Variants in RBPJ observed in about 807,000 individuals in gnomAD.
RBPJ encodes recombining binding protein suppressor of hairless.
RBPJ carries 9 observed loss-of-function variants against 67.8 expected under a neutral mutation model. The observed-to-expected ratio is 0.13, with a 90% CI of 0.08 to 0.23. The LOEUF (loss-of-function observed/expected upper bound fraction) is 0.23. Among genes scored for constraint, RBPJ ranks in the 10% least tolerant of loss-of-function variants. The pLI is 1.00. For synonymous variants in RBPJ, 198 were observed against 203.3 expected (o/e 0.97, Z 0.22); for missense variants, 305 against 595.6 (o/e 0.51, Z 5.08).
chr4:26,408,784 T>A (rs1733731606), intron 3 of RBPJ, among the ~76,000 whole-genome samples: 1 of 152,246 alleles, frequency 6.6e-6, no homozygotes, highest in South Asian at 2.1e-4. Context: ...TTGGAACTCT[T>A]GAGGGCCTAA....
intron 3 of RBPJ, among the ~76,000 whole-genome samples, chr4:26,409,731 C>T (rs573335294): frequency 1.3e-5 from 2 of 152,288 alleles, no homozygotes; most frequent in African/African-American, 4.8e-5. Context: ...AACTCTTGAC[C>T]TTGTGATCTG....
chr4:26,307,396 G>A (rs1722273124), intron 1 of RBPJ, among the ~76,000 whole-genome samples: 1 of 152,128 alleles, frequency 6.6e-6, no homozygotes, highest in Non-Finnish European at 1.5e-5. Context: ...TTATTTTTCA[G>A]TTCTTAAATT....
intron 1 of RBPJ, among the ~76,000 whole-genome samples, chr4:26,187,237 A>G (rs1717302258): frequency 6.6e-6 from 1 of 152,220 alleles, no homozygotes; most frequent in African/African-American, 2.4e-5. Flanking sequence ...AACAAAAACG[A>G]AAACAAAAAA....
At chr4:26,315,167 A>AAAAAAAAAT (rs1325689348), upstream of RBPJ, among the ~76,000 whole-genome samples, 49 of 74,728 alleles carry the variant, frequency 6.6e-4, no homozygotes, top group East Asian at 9.1e-4. Flanking sequence ...AAAAAAAAAA[A>AAAAAAAAAT]ATATATATAT....
chr4:26,336,896 A>C (rs1724890693), intron 1 of RBPJ, among the ~76,000 whole-genome samples: 1 of 152,098 alleles, frequency 6.6e-6, no homozygotes, highest in African/African-American at 2.4e-5. Context: ...CTAAATTATA[A>C]ATATATTGTA....
chr4:26,404,506 A>G (rs1038246359), intron 2 of RBPJ, among the ~76,000 whole-genome samples: 4 of 152,172 alleles, frequency 2.6e-5, no homozygotes, highest in African/African-American at 7.2e-5. Flanking sequence ...TGTCAACCTT[A>G]TTCACTGCCG....
chr4:26,373,502 T>C (rs1293431778), intron 1 of RBPJ, among the ~76,000 whole-genome samples: 2 of 152,194 alleles, frequency 1.3e-5, no homozygotes, highest in Non-Finnish European at 2.9e-5. Context: ...AAACTGTGTG[T>C]CAAAGGCTTG....
At chr4:26,179,693 A>G (rs1402568944) in intron 1 of RBPJ, among the ~76,000 whole-genome samples, 2 of 152,214 alleles carry the variant, frequency 1.3e-5, no homozygotes, top group East Asian at 3.9e-4. Flanking sequence ...TGTGGAGGAA[A>G]GGGAACAGTT....
chr4:26,222,657 T>C (rs1025570519), intron 1 of RBPJ, among the ~76,000 whole-genome samples: 4 of 146,098 alleles, frequency 2.7e-5, no homozygotes, highest in East Asian at 2.0e-4. Context: ...TATATATATA[T>C]ACCTATTATG....
intron 1 of RBPJ, chr4:26,384,078 A>G (rs1244764720): frequency 6.6e-6 from 1 of 152,102 alleles, no homozygotes; most frequent in South Asian, 2.1e-4. Context: ...AATTCCTGCA[A>G]TCAAAACAAT....
chr4:26,272,381 T>C (rs1403385684), intron 1 of RBPJ, among the ~76,000 whole-genome samples: 1 of 152,076 alleles, frequency 6.6e-6, no homozygotes, highest in Non-Finnish European at 1.5e-5. Flanking sequence ...GCCTGGGCAA[T>C]GTAGTGAGAC....
chr4:26,319,950 G>T, upstream of RBPJ: 2 of 1,450,086 alleles, frequency 1.4e-6, no homozygotes, highest in South Asian at 1.2e-5. Context: ...GTGGGGCCAG[G>T]TTTGCCCGGG....
At chr4:26,111,118 G>A in the RBPJ span, among the ~76,000 whole-genome samples, 4 of 152,054 alleles carry the variant, frequency 2.6e-5, no homozygotes, top group Non-Finnish European at 5.9e-5. Flanking sequence ...ACATCCAAGG[G>A]GTTCACTATC....
intron 2 of RBPJ, among the ~76,000 whole-genome samples, chr4:26,391,836 A>G (rs1309196192): frequency 6.6e-6 from 1 of 152,228 alleles, no homozygotes. Flanking sequence ...CTGGTTTGCT[A>G]TAATAGTGTA....
chr4:26,418,436 T>G (rs1734804413), intron 4 of RBPJ, among the ~76,000 whole-genome samples: 1 of 152,216 alleles, frequency 6.6e-6, no homozygotes, highest in Non-Finnish European at 1.5e-5. Flanking sequence ...TTATCTTGAT[T>G]ATGATTTTTG....
At chr4:26,241,431 C>T (rs767110443) in intron 1 of RBPJ, among the ~76,000 whole-genome samples, 16 of 152,150 alleles carry the variant, frequency 1.1e-4, no homozygotes, top group Admixed American at 1.3e-4. Flanking sequence ...AACAGTTTAA[C>T]GTGATTTATA....
intron 1 of RBPJ, among the ~76,000 whole-genome samples, chr4:26,324,069 T>C (rs978881767): frequency 2.0e-5 from 3 of 152,180 alleles, no homozygotes; most frequent in African/African-American, 7.2e-5. Flanking sequence ...TTCCTAACTA[T>C]GTAGTAAAAT....
chr4:26,370,127 A>T (rs1391518418), intron 1 of RBPJ, among the ~76,000 whole-genome samples: 1 of 152,186 alleles, frequency 6.6e-6, no homozygotes, highest in Non-Finnish European at 1.5e-5. Flanking sequence ...AGTTTTCAGA[A>T]TAAAGGCCTT....
intron 1 of RBPJ, among the ~76,000 whole-genome samples, chr4:26,274,007 G>A (rs1721002837): frequency 6.6e-6 from 1 of 152,194 alleles, no homozygotes; most frequent in East Asian, 1.9e-4. Flanking sequence ...TTGCTCAGAT[G>A]TCACCTTGTC....
Sources: gnomAD v4.1 joint callset for allele counts (sites outside exome capture counted in the v4.1 genomes callset) on GRCh38, gnomAD v4.1.1 for gene constraint, MANE v1.5 for transcripts, NCBI Gene and HGNC (gene_info 2026-07-23, HGNC 2026-07-21) for gene names.